GATAD2A: variants seen among roughly 807,000 people sequenced by gnomAD.
The protein encoded by GATAD2A is transcriptional repressor p66-alpha.
A neutral mutation model predicts 68.5 loss-of-function variants in GATAD2A; 12 were observed. The ratio of observed to expected loss-of-function variants is 0.18; its 90% CI spans 0.11 to 0.28. The LOEUF is 0.28. Among genes scored for constraint, GATAD2A ranks in the 10% least tolerant of loss-of-function variants. The probability of loss-of-function intolerance (pLI) is 1.00; values close to 1 mark genes in which losing one functional copy is unlikely to be tolerated. For missense variants in GATAD2A, 755 were observed against 868.5 expected (o/e 0.87, Z 1.64); for synonymous variants, 410 against 375.3 (o/e 1.09, Z -1.07).
intron 1 of GATAD2A, among the ~76,000 whole-genome samples, chr19:19,433,191 C>G (rs988529411): frequency 2.6e-5 from 4 of 152,160 alleles, no homozygotes; most frequent in African/African-American, 7.2e-5. Flanking sequence ...CCACCACCCC[C>G]CTGCCCCAGG....
rs111876582 is a variant in GATAD2A, at chr19:19,435,679, G to A, written c.-7+29660G>A. ...AGCCTGGCCAACATGGCAAAACCCC[G>A]TCTCTACTAAAAATACAAAAATCAG... On this transcript the variant is annotated intron_variant, in intron 1 of 11. Transcript: ENST00000683918. Among the ~76,000 whole-genome samples the A allele has an allele frequency of 7.5e-3, 1,143 of 152,186 alleles. 16 individuals carry two copies. The highest frequency in any genetic ancestry group is 0.025 in the African/African-American group (1,053 of 41,524).
At position 19,492,702 on chromosome 19, in the gene GATAD2A, C is replaced by G; in HGVS notation, c.524C>G (p.Thr175Ser). 3 of 1,614,116 alleles carry G rather than the reference C, an allele frequency of 1.9e-6. No individual in the cohort carries two copies. Among genetic ancestry groups the G allele is most frequent in the Non-Finnish European group, 2.5e-6 (3 of 1,180,028 alleles). ...LRQSQIQKEA[T>S]AQKPTGSVGS... ...CAGAGTCAAATACAAAAGGAAGCCA[C>G]CGCCCAGAAGGTGCGTGCCTGTCTC... Residue 175 changes from threonine (T) to serine (S), a missense_variant, in exon 4 of 12, where the codon ACC (threonine) becomes AGC (serine). Physicochemically the swap from Thr to Ser is moderately conservative, Grantham distance 58. Transcript: ENST00000683918.
chr19:19,434,088 T>C (rs1368310678), intron 1 of GATAD2A, among the ~76,000 whole-genome samples: 3 of 152,240 alleles, frequency 2.0e-5, no homozygotes, highest in Non-Finnish European at 4.4e-5. Context: ...TCATTTTTCT[T>C]GTTGTTTCAT....
chr19:19,416,136 T>A (rs1464104713), intron 1 of GATAD2A, among the ~76,000 whole-genome samples: 1 of 152,158 alleles, frequency 6.6e-6, no homozygotes, highest in Non-Finnish European at 1.5e-5. Flanking sequence ...TTGCACTTAA[T>A]TTGTAGACAT....
intron 2 of GATAD2A, 75 bp from the exon 3 acceptor site, chr19:19,492,231 G>GC: frequency 1.4e-6 from 2 of 1,463,844 alleles, no homozygotes; most frequent in Non-Finnish European, 1.9e-6. Flanking sequence ...TCAGCTCCCT[G>GC]CCATGTGTCC....
chr19:19,415,110 C>T (rs1293523143), intron 1 of GATAD2A, among the ~76,000 whole-genome samples: 3 of 130,432 alleles, frequency 2.3e-5, no homozygotes, highest in Non-Finnish European at 4.9e-5. Context: ...AAAAAAACCC[C>T]AAAAAACTGT....
At chr19:19,459,991 G>A (rs553882050) in intron 1 of GATAD2A, among the ~76,000 whole-genome samples, 4 of 152,326 alleles carry the variant, frequency 2.6e-5, no homozygotes, top group East Asian at 1.9e-4. Flanking sequence ...AGAGATGTGC[G>A]TCAGGAAGTG....
At chr19:19,497,950 C>T (rs1160794886) in intron 7 of GATAD2A, among the ~76,000 whole-genome samples, 1 of 152,164 alleles carries the variant, frequency 6.6e-6, no homozygotes, top group Non-Finnish European at 1.5e-5. Flanking sequence ...CCCATCGCCC[C>T]ATAAGGACTC....
intron 1 of GATAD2A, among the ~76,000 whole-genome samples, chr19:19,424,231 T>C (rs567190433): frequency 3.8e-4 from 57 of 150,356 alleles, no homozygotes; most frequent in Non-Finnish European, 6.7e-4. Context: ...GCTTTGTAAG[T>C]TTTTGTTGTT....
intron 2 of GATAD2A, among the ~76,000 whole-genome samples, chr19:19,478,080 C>A (rs2058796137): frequency 6.6e-6 from 1 of 152,104 alleles, no homozygotes; most frequent in South Asian, 2.1e-4. Flanking sequence ...ATTTTTAGTA[C>A]CTCTCACTTT....
chr19:19,489,233 G>A (rs2148353202), intron 2 of GATAD2A, among the ~76,000 whole-genome samples: 1 of 152,346 alleles, frequency 6.6e-6, no homozygotes, highest in African/African-American at 2.4e-5. Flanking sequence ...ACAGTCCCCT[G>A]TGGGCTGGCG....
intron 1 of GATAD2A, among the ~76,000 whole-genome samples, chr19:19,420,354 C>T (rs2052244463): frequency 8.8e-6 from 1 of 113,062 alleles, no homozygotes; most frequent in African/African-American, 3.4e-5. Flanking sequence ...TTTTTTGATA[C>T]GGGGTCTCGC....
chr19:19,504,650 T>G (rs2060767124), intron 11 of GATAD2A, among the ~76,000 whole-genome samples: 1 of 151,360 alleles, frequency 6.6e-6, no homozygotes, highest in African/African-American at 2.4e-5. Flanking sequence ...CTTTTTTTTT[T>G]TTTTTTTCTT....
chr19:19,425,812 C>T (rs1376578877), intron 1 of GATAD2A, among the ~76,000 whole-genome samples: 4 of 149,546 alleles, frequency 2.7e-5, no homozygotes, highest in Non-Finnish European at 4.4e-5. Flanking sequence ...TTTTTTTAGA[C>T]AAGGTCTGGC....
chr19:19,476,264 C>G (rs1189471275), intron 2 of GATAD2A, among the ~76,000 whole-genome samples: 1 of 152,204 alleles, frequency 6.6e-6, no homozygotes, highest in Non-Finnish European at 1.5e-5. Context: ...GTAAGTTGAG[C>G]AGATTTGCAG....
chr19:19,450,920 G>A (rs981577863), intron 1 of GATAD2A, among the ~76,000 whole-genome samples: 12 of 151,604 alleles, frequency 7.9e-5, no homozygotes, highest in African/African-American at 2.4e-4. Flanking sequence ...ACAGGCGCCC[G>A]CCACTATGCC....
intron 1 of GATAD2A, chr19:19,386,284 C>CCCCCCGCCTCTCCAGGGGA: frequency 6.5e-6 from 1 of 153,274 alleles, no homozygotes; most frequent in Non-Finnish European, 1.4e-5. Context: ...TGCTCTGGGC[C>CCCCCCGCCTCTCCAGGGGA]CCCCCGCCTC....
intron 2 of GATAD2A, among the ~76,000 whole-genome samples, chr19:19,487,353 C>T (rs1269288844): frequency 1.3e-5 from 2 of 152,142 alleles, no homozygotes; most frequent in Non-Finnish European, 2.9e-5. Flanking sequence ...GCCCCCAGCT[C>T]AGGGTGCAGG....
Position 19,465,566 on chromosome 19 carries a change from G to A in GATAD2A, c.221G>A (p.Gly74Asp). ...GCCACGGCCATGGCCATGGGCAGAG[G>A]CGAAGGGCTGGTGGGCGATGGGCCC... ...TEATAMAMGR[G>D]EGLVGDGPVD... Residue 74 changes from glycine (G) to aspartate (D), a missense_variant, in exon 2 of 12, where the codon GGC (glycine) becomes GAC (aspartate). Coordinates refer to ENST00000683918, the MANE Select transcript of GATAD2A (RefSeq NM_001384528.1). 2 of 1,613,862 alleles carry A rather than the reference G, an allele frequency of 1.2e-6. No individual in the cohort carries two copies. Among genetic ancestry groups the A allele is most frequent in the African/African-American group, 1.3e-5 (1 of 75,070 alleles).
Sources: allele counts gnomAD v4.1 joint callset (sites outside exome capture counted in the v4.1 genomes callset), GRCh38; gene constraint gnomAD v4.1.1; transcripts MANE v1.5; gene names NCBI Gene and HGNC (gene_info 2026-07-23, HGNC 2026-07-21).